Variants in SHPK observed in about 807,000 individuals in gnomAD.
SHPK encodes carbohydrate kinase-like protein.
SHPK carries 51 observed loss-of-function variants against 46.3 expected under a neutral mutation model. The ratio of observed to expected loss-of-function variants is 1.10; its 90% CI spans 0.88 to 1.39. SHPK has a LOEUF of 1.39. Ranked by LOEUF, SHPK falls within the 40% of genes most tolerant of loss-of-function variation. The pLI, the probability that SHPK is intolerant of heterozygous loss-of-function variation, is 0.00. For synonymous variants in SHPK, 290 were observed against 273.9 expected (o/e 1.06, Z -0.58); for missense variants, 668 against 641.3 (o/e 1.04, Z -0.45).
intron 1 of SHPK, among the ~76,000 whole-genome samples, chr17:3,632,886 C>T (rs934619587): frequency 6.6e-6 from 1 of 151,682 alleles, no homozygotes; most frequent in Admixed American, 6.6e-5. Flanking sequence ...ATTGTCTGCA[C>T]AGCTGCCAAG....
intron 2 of SHPK, among the ~76,000 whole-genome samples, chr17:3,626,826 C>A (rs553831000): frequency 2.6e-5 from 4 of 151,542 alleles, no homozygotes; most frequent in African/African-American, 9.7e-5. Flanking sequence ...ATCTGGGAGG[C>A]AGAGGTTGCA....
chr17:3,630,376 G>A, intron 1 of SHPK, 30 bp from the exon 2 acceptor site: 2 of 1,585,094 alleles, frequency 1.3e-6, no homozygotes, highest in South Asian at 2.3e-5. Context: ...CATGGGCAGG[G>A]GCAGACACAC....
chr17:3,635,855 C>T (rs2075519328), intron 1 of SHPK, among the ~76,000 whole-genome samples, 197 bp downstream of exon 1: 1 of 151,964 alleles, frequency 6.6e-6, no homozygotes, highest in Non-Finnish European at 1.5e-5. Flanking sequence ...TCGGTCCCAG[C>T]AGGTGGGAAG....
At chr17:3,615,267 T>G in intron 6 of SHPK, 70 bp downstream of exon 6, 1 of 1,500,478 alleles carries the variant, frequency 6.7e-7, no homozygotes, top group Admixed American at 1.7e-5. Flanking sequence ...TGAAGCTCCG[T>G]GAAGCTCCGA....
chr17:3,627,726 G>A (rs930876782), intron 2 of SHPK, among the ~76,000 whole-genome samples: 2 of 151,162 alleles, frequency 1.3e-5, no homozygotes, highest in South Asian at 4.3e-4. Flanking sequence ...GGTTGTTAGA[G>A]AGCCCAGGAG....
intron 1 of SHPK, among the ~76,000 whole-genome samples, chr17:3,631,645 C>T (rs2075473162): frequency 1.3e-5 from 2 of 148,910 alleles, no homozygotes; most frequent in African/African-American, 4.9e-5. Flanking sequence ...GCCTTAGCCT[C>T]CGGAGTAGCT....
At chr17:3,631,968 CT>C (rs1021426452) in intron 1 of SHPK, among the ~76,000 whole-genome samples, 2 of 151,008 alleles carry the variant, frequency 1.3e-5, no homozygotes, top group Non-Finnish European at 1.5e-5. Context: ...GGTTACATTT[CT>C]TTTTTTTTGA....
chr17:3,627,910 C>T (rs1457132867), intron 2 of SHPK, among the ~76,000 whole-genome samples: 1 of 152,036 alleles, frequency 6.6e-6, no homozygotes, highest in South Asian at 2.1e-4. Context: ...ACACCCTAAT[C>T]GCCTTCTGCT....
At chr17:3,615,053 A>G (rs1282515170) in intron 6 of SHPK, among the ~76,000 whole-genome samples, 1 of 147,418 alleles carries the variant, frequency 6.8e-6, no homozygotes, top group Non-Finnish European at 1.5e-5. Context: ...GGGAGCAGGG[A>G]GGGCGGGGGA....
rs575336633 is a variant in SHPK at position 3,615,012 on chromosome 17, G to A, written c.1024+325C>T. ...GAAAACTTCATAAATTCTACCCCAA[G>A]GATAAGAGAAAGGAGCAGGAGGAGA... On this transcript the variant is annotated intron_variant, in intron 6 of 6. Transcript: ENST00000225519. Among the ~76,000 whole-genome samples, 11 of 152,206 alleles carry A rather than the reference G, an allele frequency of 7.2e-5. No homozygotes were observed. In the South Asian group the frequency reaches 2.3e-3, roughly 32 times the overall value.
chr17:3,630,006 G>A (rs568148422), intron 2 of SHPK, among the ~76,000 whole-genome samples, 199 bp downstream of exon 2: 1 of 152,166 alleles, frequency 6.6e-6, no homozygotes, highest in Admixed American at 6.6e-5. Flanking sequence ...ATGTGGGAGT[G>A]GGCAGTTCCT....
rs550706216 is a variant in SHPK, at chr17:3,608,830, T to C, written c.*1730A>G. On this transcript the variant is annotated 3_prime_UTR_variant, in exon 7 of 7. Transcript: ENST00000225519. Reference sequence around the variant, plus strand: ...AAACCAAGCTCTGCGGCTGTGCCATTGCACAGTCTTCCCACAGCAGAGAGG... The same window carrying C: ...AAACCAAGCTCTGCGGCTGTGCCATCGCACAGTCTTCCCACAGCAGAGAGG... 6.6e-6 allele frequency: 1 copy of C among 152,292 alleles called. No individual in the cohort carries two copies. Among genetic ancestry groups the C allele is most frequent in the African/African-American group, 2.4e-5 (1 of 41,564 alleles). 9.4% of individuals were successfully genotyped at this position (152,292 alleles called of 1,614,324 possible).
chr17:3,635,233 G>A (rs977455022), intron 1 of SHPK, among the ~76,000 whole-genome samples: 15 of 134,190 alleles, frequency 1.1e-4, no homozygotes, highest in Admixed American at 1.1e-3. Context: ...AAGGAAGGAA[G>A]GAAGGAAGGA....
chr17:3,627,995 G>A (rs1483575579), intron 2 of SHPK, among the ~76,000 whole-genome samples: 2 of 151,984 alleles, frequency 1.3e-5, no homozygotes, highest in South Asian at 4.2e-4. Flanking sequence ...AGGGAGGAAG[G>A]GGAGGAGGAA....
intron 2 of SHPK, among the ~76,000 whole-genome samples, chr17:3,629,589 G>A (rs1210480018): frequency 3.3e-5 from 5 of 151,966 alleles, no homozygotes; most frequent in East Asian, 1.9e-4. Flanking sequence ...TTAGCTGGGC[G>A]TGGTGGCAGG....
rs186007377 is a variant in SHPK, at chr17:3,619,351, T to C, written c.823+1886A>G. The C allele has an allele frequency of 5.5e-5, 76 of 1,386,102 alleles. No homozygotes were observed. The Admixed American group carries it at 7.1e-4, about 13-fold the overall frequency. The allele number at this position is 1,386,102 out of a possible 1,614,324, so 85.9% of individuals were successfully genotyped here. A position where few individuals can be genotyped will look rare whatever the true frequency, so the allele number is the denominator to read the frequency against. ...CGTGAGGTGAGAGTTATCTGGACCT[T>C]GTTTTATACATTGAACCATTCCGGG... On this transcript the variant is annotated intron_variant, in intron 5 of 6. Coordinates refer to ENST00000225519, the MANE Select transcript of SHPK (RefSeq NM_013276.4).
At chr17:3,625,521 C>T (rs549127670) in intron 2 of SHPK, among the ~76,000 whole-genome samples, 1 of 152,254 alleles carries the variant, frequency 6.6e-6, no homozygotes, top group African/African-American at 2.4e-5. Context: ...TCCAGGTGAG[C>T]CCAGCCTCCA....
At chr17:3,635,643 C>T (rs903329795) in intron 1 of SHPK, among the ~76,000 whole-genome samples, 1 of 152,186 alleles carries the variant, frequency 6.6e-6, no homozygotes, top group Non-Finnish European at 1.5e-5. Context: ...CTGCCCTGGG[C>T]AACAAACTGA....
intron 5 of SHPK, chr17:3,619,457 G>A (rs770705552): frequency 4.2e-5 from 51 of 1,224,718 alleles, no homozygotes; most frequent in Middle Eastern, 4.0e-4. Flanking sequence ...CGGAGAGGCC[G>A]GGCACGATGG....
Sources: allele counts gnomAD v4.1 joint callset (sites outside exome capture counted in the v4.1 genomes callset), GRCh38; gene constraint gnomAD v4.1.1; transcripts MANE v1.5; gene names NCBI Gene and HGNC (gene_info 2026-07-23, HGNC 2026-07-21).